Variants in SEPTIN7 observed in about 807,000 individuals in gnomAD.
SEPTIN7 encodes the protein septin 7, also known as septin-7.
In SEPTIN7, 10 loss-of-function variants were observed where a neutral mutation model predicts 63.3. The ratio of observed to expected loss-of-function variants is 0.16; its 90% CI spans 0.10 to 0.27. SEPTIN7 has a LOEUF of 0.27. Among genes scored for constraint, SEPTIN7 ranks in the 10% least tolerant of loss-of-function variants. The pLI is 1.00. For synonymous variants in SEPTIN7, 131 were observed against 165.3 expected (o/e 0.79, Z 1.59); for missense variants, 310 against 521.0 (o/e 0.59, Z 3.94).
intron 3 of SEPTIN7, among the ~76,000 whole-genome samples, chr7:35,861,750 T>C (rs1785523836): frequency 6.6e-6 from 1 of 152,148 alleles, no homozygotes; most frequent in Non-Finnish European, 1.5e-5. Flanking sequence ...CAGGAATCAG[T>C]TCTTCTGGCA....
chr7:35,888,748 A>G, intron 10 of SEPTIN7: 1 of 218,884 alleles, frequency 4.6e-6, no homozygotes, highest in Non-Finnish European at 9.4e-6. Flanking sequence ...TGAGCCTGAA[A>G]GGCAGAGATT....
intron 3 of SEPTIN7, among the ~76,000 whole-genome samples, chr7:35,852,723 C>T (rs1374134000): frequency 2.6e-5 from 4 of 152,040 alleles, no homozygotes; most frequent in African/African-American, 7.3e-5. Flanking sequence ...TTTTGGTAAC[C>T]TCTGTGTCAC....
rs1788546086 is a variant in SEPTIN7 at position 35,905,106 on chromosome 7, C to T, written c.*813C>T. The T allele has an allele frequency of 6.6e-6, 1 of 152,562 alleles. No individual in the cohort carries two copies. Among genetic ancestry groups the T allele is most frequent in the African/African-American group, 2.4e-5 (1 of 41,438 alleles). The allele number at this position is 152,562 out of a possible 1,614,324, so 9.5% of individuals were successfully genotyped here. On this transcript the variant is annotated 3_prime_UTR_variant, in exon 14 of 14. Coordinates refer to ENST00000350320, the MANE Select transcript of SEPTIN7 (RefSeq NM_001788.6). ...CAGGGGGGGAAATGCATTTATAGAT[C>T]ATTTCTAGGCAAAATTGTGAAGCTA...
In SEPTIN7 at chr7:35,801,192, C is replaced by A; in HGVS notation, c.-18C>A. On this transcript the variant is annotated 5_prime_UTR_variant, in exon 1 of 14. Coordinates refer to ENST00000350320, the MANE Select transcript of SEPTIN7 (RefSeq NM_001788.6). ...CGGGCTGCGCTCCGCTGGGGCTGGT[C>A]GCGGAGGGGGGGAGGGGATGTCGGT... 6.7e-7 allele frequency: 1 copy of A among 1,489,494 alleles called. No individual in the cohort carries two copies. Among genetic ancestry groups the A allele is most frequent in the Non-Finnish European group, 8.9e-7 (1 of 1,117,376 alleles). 92.3% of individuals were successfully genotyped at this position (1,489,494 alleles called of 1,614,324 possible). A position where few individuals can be genotyped will look rare whatever the true frequency, so the allele number is the denominator to read the frequency against.
chr7:35,804,265 A>G (rs1160385037), intron 1 of SEPTIN7, among the ~76,000 whole-genome samples: 1 of 152,182 alleles, frequency 6.6e-6, no homozygotes, highest in Non-Finnish European at 1.5e-5. Context: ...TTCCAAAAGA[A>G]AAGGGTAGCA....
intron 1 of SEPTIN7, among the ~76,000 whole-genome samples, chr7:35,808,455 C>T (rs1482325887): frequency 2.0e-5 from 3 of 152,150 alleles, no homozygotes; most frequent in Non-Finnish European, 1.5e-5. Context: ...GCTGCATAAC[C>T]GTTACATGAT....
chr7:35,825,246 T>A (rs1783439527), intron 1 of SEPTIN7, among the ~76,000 whole-genome samples: 1 of 152,206 alleles, frequency 6.6e-6, no homozygotes, highest in Non-Finnish European at 1.5e-5. Context: ...GCTTTCAAGA[T>A]GAAGTCTAAG....
At chr7:35,880,223 CTT>C in intron 7 of SEPTIN7, among the ~76,000 whole-genome samples, 1,192 of 72,756 alleles carry the variant, frequency 0.016, 6 homozygotes, top group African/African-American at 0.022. Context: ...TTTTTCTTTT[CTT>C]TTTTTTTTTT....
chr7:35,892,934 T>C (rs1583639535), intron 11 of SEPTIN7, among the ~76,000 whole-genome samples: 1 of 152,218 alleles, frequency 6.6e-6, no homozygotes, highest in African/African-American at 2.4e-5. Flanking sequence ...GGAATTAGAC[T>C]GTTACTACTT....
rs376971124 is a variant in SEPTIN7 at position 35,839,242 on chromosome 7, AAAAT to A, written c.169+6346_169+6349del. Among the ~76,000 whole-genome samples, 55 of 152,360 alleles carry A rather than the reference AAAAT, an allele frequency of 3.6e-4. 1 individual carries two copies. The highest frequency in any genetic ancestry group is 1.3e-3 in the African/African-American group (52 of 41,584). ...GAAATACTAAAAAGAGAAAAAAAGG[AAAAT>A]AAAGACTTAGCAGCAAGAGATAATA... On this transcript the variant is annotated intron_variant, in intron 3 of 13. Coordinates refer to ENST00000350320, the MANE Select transcript of SEPTIN7 (RefSeq NM_001788.6).
chr7:35,853,285 A>G lies in SEPTIN7; in HGVS notation c.170-10267A>G, dbSNP rs919698416. On this transcript the variant is annotated intron_variant, in intron 3 of 13. Coordinates refer to ENST00000350320, the MANE Select transcript of SEPTIN7 (RefSeq NM_001788.6). ...CATCTCTTAAAAAAATATTTGCTGG[A>G]TGTGGTGGCATGCACCTGTAGTCTC... Among the ~76,000 whole-genome samples, 11 of 151,942 alleles carry G rather than the reference A, an allele frequency of 7.2e-5. 1 individual carries two copies. Among genetic ancestry groups the G allele is most frequent in the Admixed American group, 5.9e-4 (9 of 15,248 alleles).
chr7:35,880,223 C>CTTTTTTTTTTTTTTTTTTTTTATT, intron 7 of SEPTIN7, among the ~76,000 whole-genome samples: 3 of 72,776 alleles, frequency 4.1e-5, no homozygotes, highest in African/African-American at 1.8e-4. Flanking sequence ...TTTTTCTTTT[C>CTTTTTTTTTTTTTTTTTTTTTATT]TTTTTTTTTT....
chr7:35,804,841 T>TG (rs1554331245), intron 1 of SEPTIN7, among the ~76,000 whole-genome samples: 4 of 148,330 alleles, frequency 2.7e-5, no homozygotes, highest in Non-Finnish European at 3.0e-5. Context: ...TTTTGTTTTT[T>TG]TTTTTTTTTT....
At chr7:35,834,290 A>C (rs778467754) in intron 3 of SEPTIN7, among the ~76,000 whole-genome samples, 1 of 151,974 alleles carries the variant, frequency 6.6e-6, no homozygotes, top group African/African-American at 2.4e-5. Context: ...TGACTTTAGA[A>C]TTTTTGTTTA....
rs139701555 is a variant in SEPTIN7, at chr7:35,902,376, A to G, written c.1135-700A>G. The G allele has an allele frequency of 1.6e-3, 239 of 152,248 alleles. 2 individuals carry two copies. Among genetic ancestry groups the G allele is most frequent in the African/African-American group, 5.6e-3 (233 of 41,546 alleles). 9.4% of individuals were successfully genotyped at this position (152,248 alleles called of 1,614,324 possible). A position where few individuals can be genotyped will look rare whatever the true frequency, so the allele number is the denominator to read the frequency against. ...AGTATTAATACACAGAGAAGGAAGGACCAGCTGCATTAGAATCACTGTAAC... is the reference window on the plus strand; with the variant it reads ...AGTATTAATACACAGAGAAGGAAGGGCCAGCTGCATTAGAATCACTGTAAC... On this transcript the variant is annotated intron_variant, in intron 12 of 13. Transcript: ENST00000350320.
chr7:35,869,793 T>C (rs1786035643), intron 4 of SEPTIN7, among the ~76,000 whole-genome samples: 1 of 152,306 alleles, frequency 6.6e-6, no homozygotes, highest in Admixed American at 6.5e-5. Flanking sequence ...AGATGAATTA[T>C]ACATAGATGA....
intron 1 of SEPTIN7, among the ~76,000 whole-genome samples, chr7:35,807,138 G>A (rs947536785): frequency 6.6e-5 from 10 of 151,926 alleles, no homozygotes; most frequent in Admixed American, 6.6e-4. Flanking sequence ...CTGTGGTCAT[G>A]GATGTTATGA....
downstream of SEPTIN7, among the ~76,000 whole-genome samples, chr7:35,908,003 A>G (rs1788664514): frequency 1.3e-5 from 2 of 152,196 alleles, no homozygotes; most frequent in Non-Finnish European, 1.5e-5. Context: ...TTTTTAGGAA[A>G]TGTGCATGGT....
At chr7:35,810,788 ACAGAGGCTCGCTCTGTCGCC>A (rs1406451364) in intron 1 of SEPTIN7, among the ~76,000 whole-genome samples, 1 of 149,760 alleles carries the variant, frequency 6.7e-6, no homozygotes, top group Non-Finnish European at 1.5e-5. Flanking sequence ...TTTTTTTGAG[ACAGAGGCTCGCTCTGTCGCC>A]CAGGCTGGAG....
Sources: gnomAD v4.1 joint callset for allele counts (sites outside exome capture counted in the v4.1 genomes callset) on GRCh38, gnomAD v4.1.1 for gene constraint, MANE v1.5 for transcripts, NCBI Gene and HGNC (gene_info 2026-07-23, HGNC 2026-07-21) for gene names.